The following SVIL variants were observed in gnomAD, a reference collection of about 807,000 sequenced individuals.
SVIL encodes the protein supervillin.
SVIL carries 101 observed loss-of-function variants against 240.4 expected under a neutral mutation model. The ratio of observed to expected loss-of-function variants is 0.42; its 90% CI spans 0.36 to 0.50. SVIL has a LOEUF of 0.50. Among genes scored for constraint, SVIL ranks in the 20% least tolerant of loss-of-function variants. The pLI is 0.01. For synonymous variants in SVIL, 999 were observed against 1,100.0 expected (o/e 0.91, Z 1.82); for missense variants, 2,512 against 2,818.7 (o/e 0.89, Z 2.46).
intron 1 of SVIL, among the ~76,000 whole-genome samples, chr10:29,595,857 C>T (rs2132818961): frequency 6.6e-6 from 1 of 152,298 alleles, no homozygotes; most frequent in East Asian, 1.9e-4. Context: ...CCACACGTGG[C>T]CCTAGGGAAA....
At chr10:29,620,585 G>C (rs180723496) in intron 1 of SVIL, among the ~76,000 whole-genome samples, 4 of 152,280 alleles carry the variant, frequency 2.6e-5, no homozygotes, top group Admixed American at 2.0e-4. Flanking sequence ...ATCTACTCTT[G>C]ATGCTAGGGT....
Position 29,539,165 on chromosome 10 carries a change from T to TAATAAATAAATAAATAAATAAATA in SVIL, c.828-3120_828-3097dup, listed in dbSNP as rs71020796. Among the ~76,000 whole-genome samples, 4 of 149,084 alleles carry TAATAAATAAATAAATAAATAAATA rather than the reference T, an allele frequency of 2.7e-5. No individual in the cohort carries two copies. The Admixed American group carries it at 2.7e-4, about 10-fold the overall frequency. ...GGGAGACAGAGTGAGACTCGGCCTCTAATAAATAAATAAATAAATAAATAA... is the reference window on the plus strand; with the variant it reads ...GGGAGACAGAGTGAGACTCGGCCTCTAATAAATAAATAAATAAATAAATAAATAAATAAATAAATAAATAAATAA... On this transcript the variant is annotated intron_variant, in intron 6 of 37. Coordinates refer to ENST00000355867, the MANE Select transcript of SVIL (RefSeq NM_021738.3).
intron 2 of SVIL, among the ~76,000 whole-genome samples, chr10:29,684,280 A>G (rs1419441665): frequency 6.6e-6 from 1 of 152,174 alleles, no homozygotes; most frequent in Non-Finnish European, 1.5e-5. Context: ...TATTTTGCCA[A>G]GGTTATGGAT....
intron 17 of SVIL, among the ~76,000 whole-genome samples, chr10:29,506,744 C>G (rs571119969): frequency 3.4e-4 from 50 of 145,020 alleles, no homozygotes; most frequent in Middle Eastern, 7.1e-3. Context: ...GGGACAGAGG[C>G]CCTAGAGGGA....
chr10:29,651,998 A>G (rs1030949151), intron 3 of SVIL, among the ~76,000 whole-genome samples: 3 of 149,446 alleles, frequency 2.0e-5, no homozygotes, highest in Admixed American at 6.7e-5. Context: ...ACCGTCCAAT[A>G]TATGTAAGAC....
Position 29,551,046 on chromosome 10 carries a change from G to A in SVIL, c.378C>T (p.Pro126=), listed in dbSNP as rs138280424. ...GGGATAAATACTCGGAGTCGGCCTC[G>A]GGATCCAGAGTCAGCCCATACTTCT... The part of the protein sequence containing the change: ...LAEKYGLTLD[P]EADSEYLSRY... Residue 126 remains proline, a synonymous_variant, in exon 6 of 38, where the codon CCC becomes CCT. Transcript: ENST00000355867. The A allele has an allele frequency of 9.9e-6, 16 of 1,614,032 alleles. No homozygotes were observed. The highest frequency in any genetic ancestry group is 8.8e-5 in the South Asian group (8 of 91,070).
At chr10:29,657,007 T>A (rs1322357257) in intron 3 of SVIL, among the ~76,000 whole-genome samples, 1 of 152,202 alleles carries the variant, frequency 6.6e-6, no homozygotes, top group Non-Finnish European at 1.5e-5. Flanking sequence ...AATACTATTA[T>A]AAGCATCTTA....
chr10:29,642,097 A>G (rs1442378272), intron 3 of SVIL, among the ~76,000 whole-genome samples: 1 of 151,794 alleles, frequency 6.6e-6, no homozygotes, highest in Non-Finnish European at 1.5e-5. Flanking sequence ...CACCCTTCTC[A>G]CTTAGAAAAC....
At chr10:29,588,668 T>A (rs1325723135) in intron 1 of SVIL, among the ~76,000 whole-genome samples, 1 of 152,212 alleles carries the variant, frequency 6.6e-6, no homozygotes, top group African/African-American at 2.4e-5. Context: ...AAACTCACTA[T>A]GCCAAACGGA....
intron 1 of SVIL, among the ~76,000 whole-genome samples, chr10:29,702,264 G>A (rs1241527876): frequency 6.6e-6 from 1 of 151,546 alleles, no homozygotes; most frequent in African/African-American, 2.4e-5. Context: ...GGACAGAGGA[G>A]GTGCTACATT....
chr10:29,609,251 G>C (rs1050256778), intron 1 of SVIL, among the ~76,000 whole-genome samples: 1 of 152,220 alleles, frequency 6.6e-6, no homozygotes, highest in Admixed American at 6.5e-5. Flanking sequence ...AGCTCGCTGA[G>C]CTGTGGGTGG....
At chr10:29,560,671 A>T (rs1954372684) in intron 3 of SVIL, among the ~76,000 whole-genome samples, 1 of 151,832 alleles carries the variant, frequency 6.6e-6, no homozygotes. Flanking sequence ...TTTTTTTAAC[A>T]TAATATTGCT....
intron 1 of SVIL, among the ~76,000 whole-genome samples, chr10:29,599,131 C>T (rs930167090): frequency 5.9e-5 from 9 of 152,134 alleles, no homozygotes; most frequent in African/African-American, 1.9e-4. Flanking sequence ...AACATTTGAT[C>T]ATGCTGATCT....
At chr10:29,496,189 T>C (rs2132421448) in intron 18 of SVIL, among the ~76,000 whole-genome samples, 1 of 152,326 alleles carries the variant, frequency 6.6e-6, no homozygotes, top group African/African-American at 2.4e-5. Context: ...AAAAAACCAT[T>C]AAATGGTTTA....
intron 30 of SVIL, among the ~76,000 whole-genome samples, chr10:29,472,936 C>T (rs147117668): frequency 6.6e-5 from 10 of 152,118 alleles, no homozygotes; most frequent in Non-Finnish European, 1.3e-4. Flanking sequence ...AGAATGGGTG[C>T]GGGGGGCAGT....
chr10:29,591,135 T>C (rs2132803721), intron 1 of SVIL, among the ~76,000 whole-genome samples: 1 of 152,344 alleles, frequency 6.6e-6, no homozygotes, highest in African/African-American at 2.4e-5. Context: ...CAAATAAAGA[T>C]TAATGTTTCA....
intron 1 of SVIL, among the ~76,000 whole-genome samples, chr10:29,719,240 C>G (rs553912261): frequency 1.3e-5 from 2 of 152,170 alleles, no homozygotes; most frequent in African/African-American, 4.8e-5. Context: ...TTGGTGATGA[C>G]CTTAAGCAAT....
At chr10:29,464,006 C>T (rs913560652) in intron 34 of SVIL, among the ~76,000 whole-genome samples, 16 of 152,322 alleles carry the variant, frequency 1.1e-4, no homozygotes, top group Middle Eastern at 6.8e-3. Flanking sequence ...CTGTTAGCAC[C>T]GCATATCTCC....
chr10:29,589,950 C>T (rs1279563120), intron 1 of SVIL, among the ~76,000 whole-genome samples: 1 of 151,858 alleles, frequency 6.6e-6, no homozygotes, highest in African/African-American at 2.4e-5. Context: ...GGGTGGATCA[C>T]GAGGTCAGGA....
Sources: gnomAD v4.1 joint callset for allele counts (sites outside exome capture counted in the v4.1 genomes callset) on GRCh38, gnomAD v4.1.1 for gene constraint, MANE v1.5 for transcripts, NCBI Gene and HGNC (gene_info 2026-07-23, HGNC 2026-07-21) for gene names.